Variants in DPH6 observed in about 807,000 individuals in gnomAD.
The protein encoded by DPH6 is diphthamine biosynthesis 6.
Under a neutral mutation model 38.2 loss-of-function variants are expected in DPH6, and 33 were observed. That is an observed-to-expected ratio of 0.86 (90% CI 0.65 to 1.15). DPH6 has a LOEUF of 1.15. Among genes scored for constraint, DPH6 ranks in the 50% most tolerant of loss-of-function variants. DPH6 has a pLI of 0.00. For synonymous variants in DPH6, 108 were observed against 103.0 expected (o/e 1.05, Z -0.30); for missense variants, 325 against 320.0 (o/e 1.02, Z -0.12).
intron 3 of DPH6, among the ~76,000 whole-genome samples, chr15:35,509,313 A>T (rs2054736474): frequency 6.6e-6 from 1 of 152,186 alleles, no homozygotes; most frequent in Non-Finnish European, 1.5e-5. Flanking sequence ...CATTGACTCA[A>T]ATCACCACTA....
chr15:35,456,467 A>T (rs1475421008), intron 3 of DPH6, among the ~76,000 whole-genome samples: 1 of 146,628 alleles, frequency 6.8e-6, no homozygotes, highest in African/African-American at 2.5e-5. Context: ...CTATATATAT[A>T]TATATATTTA....
In DPH6 at chr15:35,454,738, T is replaced by C; in HGVS notation, c.386+9A>G. The C allele has an allele frequency of 6.2e-7, 1 of 1,602,354 alleles. No homozygotes were observed. Among genetic ancestry groups the C allele is most frequent in the Non-Finnish European group, 8.5e-7 (1 of 1,173,060 alleles). On this transcript the variant is annotated intron_variant, in intron 4 of 8. Coordinates refer to ENST00000256538, the MANE Select transcript of DPH6 (RefSeq NM_080650.4). Reference sequence around the variant, plus strand: ...CACTTTTAAAACTAACAAATTAATGTTTTCTTACACATTTTCCACTCGAAT... The same window carrying C: ...CACTTTTAAAACTAACAAATTAATGCTTTCTTACACATTTTCCACTCGAAT...
At chr15:35,419,068 T>TATACACACAC (rs2053472054) in intron 5 of DPH6, among the ~76,000 whole-genome samples, 1 of 144,948 alleles carries the variant, frequency 6.9e-6, no homozygotes. Flanking sequence ...CACACACACA[T>TATACACACAC]ACACACACAC....
At chr15:35,164,757 T>G in the DPH6 span, among the ~76,000 whole-genome samples, 2 of 151,900 alleles carry the variant, frequency 1.3e-5, no homozygotes, top group African/African-American at 4.8e-5. Context: ...TGTCAACTTT[T>G]GAAAGATGTC....
intron 3 of DPH6, 61 bp from the exon 4 acceptor site, chr15:35,454,881 G>A (rs935481371): frequency 3.2e-6 from 4 of 1,243,978 alleles, no homozygotes; most frequent in Non-Finnish European, 4.6e-6. Context: ...TCCACATCAT[G>A]CTCTGAAAAT....
At chr15:35,344,595 T>C (rs1053442474) in intron 3 of DPH6, among the ~76,000 whole-genome samples, 9 of 151,900 alleles carry the variant, frequency 5.9e-5, no homozygotes, top group African/African-American at 2.2e-4. Context: ...AAATGACAGA[T>C]ATAAAATTGA....
At chr15:35,287,994 T>C (rs1375517704) in intron 3 of DPH6, among the ~76,000 whole-genome samples, 1 of 152,138 alleles carries the variant, frequency 6.6e-6, no homozygotes, top group African/African-American at 2.4e-5. Context: ...CCACGGACAA[T>C]ACCTGACACT....
intron 5 of DPH6, among the ~76,000 whole-genome samples, chr15:35,448,908 A>G (rs947590379): frequency 6.6e-6 from 1 of 151,814 alleles, no homozygotes; most frequent in African/African-American, 2.4e-5. Context: ...TTTTTCTATT[A>G]TAAGACCATT....
intron 3 of DPH6, among the ~76,000 whole-genome samples, chr15:35,306,706 T>A (rs1029251081): frequency 6.6e-6 from 1 of 152,218 alleles, no homozygotes; most frequent in African/African-American, 2.4e-5. Context: ...GGCTTCAAAC[T>A]TTTGCTTTCA....
intron 5 of DPH6, among the ~76,000 whole-genome samples, chr15:35,415,425 G>GGGA (rs2053424152): frequency 1.3e-5 from 2 of 152,126 alleles, no homozygotes; most frequent in East Asian, 3.9e-4. Context: ...TAAGAGCATA[G>GGGA]AGCTTTACAC....
downstream of DPH6, among the ~76,000 whole-genome samples, chr15:35,368,307 T>A (rs184374904): frequency 6.6e-6 from 1 of 151,920 alleles, no homozygotes; most frequent in African/African-American, 2.4e-5. Flanking sequence ...GGAGTGGCCA[T>A]TGGTTCAGTA....
chr15:35,449,216 C>T (rs1397471536), intron 5 of DPH6, among the ~76,000 whole-genome samples: 5 of 151,800 alleles, frequency 3.3e-5, no homozygotes, highest in African/African-American at 1.2e-4. Context: ...AGCACACAGG[C>T]AGTGCTGTAA....
At chr15:35,402,770 T>C (rs891262699) in intron 6 of DPH6, among the ~76,000 whole-genome samples, 22 of 152,166 alleles carry the variant, frequency 1.4e-4, no homozygotes, top group African/African-American at 5.1e-4. Flanking sequence ...CCAGAAATTA[T>C]ATTCCTAGGA....
intron 3 of DPH6, among the ~76,000 whole-genome samples, chr15:35,289,657 G>A (rs984781607): frequency 6.6e-6 from 1 of 152,176 alleles, no homozygotes; most frequent in Non-Finnish European, 1.5e-5. Context: ...TAAATATCTT[G>A]AACATTTCTA....
intron 6 of DPH6, among the ~76,000 whole-genome samples, chr15:35,390,033 C>G (rs982168630): frequency 3.9e-5 from 6 of 152,132 alleles, no homozygotes; most frequent in African/African-American, 1.2e-4. Context: ...TTAGGGCAGG[C>G]CTGGTGGTGA....
At chr15:35,299,006 T>G in intron 3 of DPH6, 1 of 742,858 alleles carries the variant, frequency 1.3e-6, no homozygotes, top group South Asian at 1.5e-5. Context: ...CTGAACTCCT[T>G]GAAAACTCAC....
chr15:35,506,227 T>C (rs1457357264), intron 3 of DPH6, among the ~76,000 whole-genome samples: 1 of 152,120 alleles, frequency 6.6e-6, no homozygotes, highest in African/African-American at 2.4e-5. Context: ...CCAAAATAGA[T>C]AAACAAAAGC....
chr15:35,457,333 C>G (rs145108223), intron 3 of DPH6, among the ~76,000 whole-genome samples: 1 of 151,434 alleles, frequency 6.6e-6, no homozygotes, highest in Non-Finnish European at 1.5e-5. Context: ...AACACTGAGC[C>G]TATATACAGA....
At chr15:35,441,599 G>A (rs989906990) in intron 5 of DPH6, among the ~76,000 whole-genome samples, 4 of 152,186 alleles carry the variant, frequency 2.6e-5, no homozygotes, top group Non-Finnish European at 4.4e-5. Context: ...TCGTAAGTGG[G>A]AGTTGAACAA....
Sources: gnomAD v4.1 joint callset for allele counts (sites outside exome capture counted in the v4.1 genomes callset) on GRCh38, gnomAD v4.1.1 for gene constraint, MANE v1.5 for transcripts, NCBI Gene and HGNC (gene_info 2026-07-23, HGNC 2026-07-21) for gene names.